MERTK: variants seen among roughly 807,000 people sequenced by gnomAD.
MERTK encodes MER proto-oncogene, tyrosine kinase.
Under a neutral mutation model 99.3 loss-of-function variants are expected in MERTK, and 69 were observed. The ratio of observed to expected loss-of-function variants is 0.70; its 90% confidence interval spans 0.57 to 0.85. MERTK has a LOEUF of 0.85. MERTK is among the 40% of genes least tolerant of loss of function. The pLI, the probability that MERTK is intolerant of heterozygous loss-of-function variation, is 0.00. For synonymous variants in MERTK, 426 were observed against 467.6 expected (o/e 0.91, Z 1.15); for missense variants, 1,125 against 1,249.4 (o/e 0.90, Z 1.50).
rs975247336 is a variant in MERTK, at chr2:111,913,203, A to G, written c.61+14407A>G. Among the ~76,000 whole-genome samples, 13 of 152,332 alleles carry G rather than the reference A, an allele frequency of 8.5e-5. No homozygotes were observed. In the East Asian group the frequency reaches 1.5e-3, roughly 18 times the overall value. On this transcript the variant is annotated intron_variant, in intron 1 of 18. Transcript: ENST00000295408. ...CAAATATATACTTTGAAATTATACT[A>G]CAATCTGTATATCAATTTGGGGAGA...
chr2:111,929,751 TA>T (rs2104687181), intron 2 of MERTK, among the ~76,000 whole-genome samples: 1 of 99,266 alleles, frequency 1.0e-5, no homozygotes, highest in South Asian at 3.6e-4. Context: ...CACACCCAGC[TA>T]ATTTTTTTTT....
At chr2:111,902,401 C>T (rs1281862428) in intron 1 of MERTK, among the ~76,000 whole-genome samples, 1 of 152,164 alleles carries the variant, frequency 6.6e-6, no homozygotes, top group Non-Finnish European at 1.5e-5. Context: ...ATTTTGGAAA[C>T]GAATCTGATT....
intron 2 of MERTK, among the ~76,000 whole-genome samples, chr2:111,939,512 C>T (rs1441663049): frequency 2.6e-5 from 4 of 151,958 alleles, no homozygotes; most frequent in African/African-American, 7.3e-5. Flanking sequence ...GACAGGGTCT[C>T]ACTCTATCTT....
intron 12 of MERTK, 43 bp from the exon 13 acceptor site, chr2:112,003,861 A>C: frequency 4.7e-6 from 7 of 1,487,454 alleles, no homozygotes; most frequent in Non-Finnish European, 6.6e-6. Context: ...TGGTCAGGGA[A>C]GAGTTTGCAC....
intron 9 of MERTK, 183 bp downstream of exon 9, chr2:111,994,587 T>C (rs1329733831): frequency 1.2e-6 from 1 of 801,026 alleles, no homozygotes; most frequent in Non-Finnish European, 2.2e-6. Flanking sequence ...ATGGGCAACA[T>C]AGTGAGACCC....
chr2:112,011,616 T>G (rs1011026943), intron 15 of MERTK, among the ~76,000 whole-genome samples: 2 of 152,000 alleles, frequency 1.3e-5, no homozygotes, highest in African/African-American at 2.4e-5. Flanking sequence ...CCAGGTGTGG[T>G]GGCAGGCACC....
chr2:111,949,276 A>C (rs1016877086), intron 4 of MERTK, among the ~76,000 whole-genome samples: 6 of 152,112 alleles, frequency 3.9e-5, no homozygotes, highest in African/African-American at 1.4e-4. Flanking sequence ...ATGCTCAGTA[A>C]GGACAAGAGC....
At chr2:112,011,070 T>C (rs1677091853) in intron 15 of MERTK, among the ~76,000 whole-genome samples, 3 of 152,148 alleles carry the variant, frequency 2.0e-5, no homozygotes. Context: ...ACCTTGGCAT[T>C]CTCGGACACA....
At chr2:112,027,205 A>G (rs1677481674) in intron 18 of MERTK, among the ~76,000 whole-genome samples, 1 of 151,530 alleles carries the variant, frequency 6.6e-6, no homozygotes, top group African/African-American at 2.4e-5. Context: ...ATTTTTATAT[A>G]TATACACATT....
chr2:111,921,723 C>G (rs1684462393), intron 1 of MERTK, among the ~76,000 whole-genome samples: 3 of 152,094 alleles, frequency 2.0e-5, no homozygotes, highest in African/African-American at 7.2e-5. Context: ...GATAAGCCCT[C>G]ACTCTTTTGC....
chr2:111,985,583 G>A (rs1676461914), intron 8 of MERTK, among the ~76,000 whole-genome samples: 1 of 152,170 alleles, frequency 6.6e-6, no homozygotes, highest in Admixed American at 6.5e-5. Context: ...AAGAAAAATA[G>A]GTTTAATGGA....
At chr2:111,995,281 T>TTTTTTA in intron 9 of MERTK, 1 of 159,022 alleles carries the variant, frequency 6.3e-6, no homozygotes, top group Non-Finnish European at 1.4e-5. Flanking sequence ...ACGGTGCCAC[T>TTTTTTA]GTGGTACCCC....
intron 16 of MERTK, 135 bp from the exon 17 acceptor site, chr2:112,021,287 G>A: frequency 7.8e-7 from 1 of 1,286,914 alleles, no homozygotes; most frequent in Non-Finnish European, 1.1e-6. Flanking sequence ...TCCCAATGCA[G>A]CATGCTCACA....
intron 18 of MERTK, among the ~76,000 whole-genome samples, chr2:112,028,024 G>T (rs1677504734): frequency 6.6e-6 from 1 of 152,208 alleles, no homozygotes; most frequent in Admixed American, 6.5e-5. Flanking sequence ...TTACAAAGTA[G>T]ACAGTGGGCT....
At chr2:112,006,369 G>A (rs531271485) in intron 13 of MERTK, among the ~76,000 whole-genome samples, 53 of 152,244 alleles carry the variant, frequency 3.5e-4, no homozygotes, top group African/African-American at 1.1e-3. Context: ...TAACTAAAAA[G>A]GAGGTTCAGG....
intron 18 of MERTK, 106 bp from the exon 19 acceptor site, chr2:112,028,245 G>C: frequency 8.1e-7 from 1 of 1,230,040 alleles, no homozygotes; most frequent in Non-Finnish European, 1.2e-6. Flanking sequence ...AAAGTAGAAT[G>C]AATGCTGATT....
intron 5 of MERTK, 30 bp from the exon 6 acceptor site, chr2:111,968,107 A>ATGTATG (rs1685392843): frequency 2.4e-6 from 3 of 1,258,042 alleles, no homozygotes; most frequent in Non-Finnish European, 2.3e-6. Context: ...TTGTGTGTGT[A>ATGTATG]TGTGTGTGTG....
At chr2:111,938,766 A>G (rs937521073) in intron 2 of MERTK, among the ~76,000 whole-genome samples, 2 of 152,132 alleles carry the variant, frequency 1.3e-5, no homozygotes, top group African/African-American at 2.4e-5. Flanking sequence ...CATTCTGACT[A>G]TTCAAAAAGT....
chr2:111,969,483 A>G (rs186205561), intron 6 of MERTK, among the ~76,000 whole-genome samples: 47 of 152,324 alleles, frequency 3.1e-4, no homozygotes, highest in East Asian at 2.3e-3. Context: ...TTAGTTAAAA[A>G]TATGTTAACC....
Sources: gnomAD v4.1 joint callset for allele counts (sites outside exome capture counted in the v4.1 genomes callset) on GRCh38, gnomAD v4.1.1 for gene constraint, MANE v1.5 for transcripts, NCBI Gene and HGNC (gene_info 2026-07-23, HGNC 2026-07-21) for gene names.